The following DNAH9 variants were observed in gnomAD, a reference collection of about 807,000 sequenced individuals.
DNAH9 encodes the protein DNAH9 variant protein.
A neutral mutation model predicts 471.6 loss-of-function variants in DNAH9; 345 were observed. The observed-to-expected ratio is 0.73, with a 90% CI of 0.67 to 0.80. The LOEUF is 0.80. Among genes scored for constraint, DNAH9 ranks in the 30% least tolerant of loss-of-function variants. The pLI, the probability that DNAH9 is intolerant of heterozygous loss-of-function variation, is 0.00. For missense variants in DNAH9, 5,407 were observed against 5,609.2 expected, an observed-to-expected ratio of 0.96 and a Z score of 1.15; for synonymous variants, 2,093 against 2,123.6, an observed-to-expected ratio of 0.99 and a Z score of 0.40.
chr17:11,968,998 C>G (rs1292008875), intron 68 of DNAH9, among the ~76,000 whole-genome samples: 1 of 152,190 alleles, frequency 6.6e-6, no homozygotes, highest in Non-Finnish European at 1.5e-5. Context: ...TCGATATGCT[C>G]ATGAAATGAA....
intron 42 of DNAH9, among the ~76,000 whole-genome samples, chr17:11,795,137 A>G (rs1041275856): frequency 1.3e-5 from 2 of 152,200 alleles, no homozygotes; most frequent in Non-Finnish European, 2.9e-5. Context: ...TCTAATTCAC[A>G]TATCATTCCC....
Position 11,962,141 on chromosome 17 carries a change from A to G in DNAH9, c.13118A>G (p.Gln4373Arg). Residue 4373 changes from glutamine to arginine, a missense_variant, in exon 68 of 69, where the codon CAG becomes CGG. Gln to Arg is a conservative substitution (Grantham distance 43). Coordinates refer to ENST00000262442, the MANE Select transcript of DNAH9 (RefSeq NM_001372.4). The surrounding 1 kb of genome is among the most constrained non-coding windows in gnomAD (Gnocchi z 4.1). ...TARKNEWPLD[Q>R]MALQCDMTKK... The stretch of plus-strand genomic sequence containing the variant: ...CGCAAGAATGAGTGGCCACTGGACC[A>G]GATGGCCCTGCAATGTGACATGACG... The G allele has an allele frequency of 6.2e-7, 1 of 1,614,188 alleles. No individual in the cohort carries two copies. The highest frequency in any genetic ancestry group is 8.5e-7 in the Non-Finnish European group (1 of 1,180,042).
chr17:11,699,963 G>A (rs1012838236), intron 23 of DNAH9, 80 bp downstream of exon 23: 21 of 1,458,996 alleles, frequency 1.4e-5, no homozygotes, highest in Middle Eastern at 2.3e-4. Context: ...ATCAACTCTA[G>A]GAGGGCCTTT....
chr17:11,967,550 T>C (rs1452671505), intron 68 of DNAH9, among the ~76,000 whole-genome samples: 2 of 152,154 alleles, frequency 1.3e-5, no homozygotes, highest in Non-Finnish European at 2.9e-5. Flanking sequence ...AAAAGACATA[T>C]AGAAAACGAA....
rs143223880 is a variant in DNAH9, at chr17:11,784,312, G to A, written c.7834G>A (p.Val2612Met). The stretch of plus-strand genomic sequence containing the variant: ...GTTTCCTGTACAGCGTCACTTCAGC[G>A]TGTTTGTCCTCTCCTTCCCGGGGGC... The part of the protein sequence containing the change: ...INPRLQRHFS[V>M]FVLSFPGADA... The change falls in exon 41 of 69, where the codon GTG becomes ATG. Residue 2612 changes from valine to methionine, a missense_variant. Physicochemically the swap from Val to Met is conservative, Grantham distance 21 (BLOSUM62 1). Transcript: ENST00000262442. The A allele has an allele frequency of 8.0e-4, 1,297 of 1,614,132 alleles. 3 individuals are homozygous for A. Among genetic ancestry groups the A allele is most frequent in the Middle Eastern group, 3.5e-3 (21 of 6,062 alleles).
At chr17:11,752,245 A>T (rs113560336) in intron 32 of DNAH9, among the ~76,000 whole-genome samples, 41 of 152,336 alleles carry the variant, frequency 2.7e-4, no homozygotes, top group African/African-American at 9.6e-4. Flanking sequence ...ATTCGCCAAG[A>T]CTGCAATTAC....
chr17:11,621,566 G>A (rs1299484549), intron 6 of DNAH9, among the ~76,000 whole-genome samples: 1 of 152,136 alleles, frequency 6.6e-6, no homozygotes. Context: ...ACAGGAGAAC[G>A]TAAGATTGGA....
chr17:11,615,353 G>A (rs1217157636), intron 4 of DNAH9, among the ~76,000 whole-genome samples: 1 of 152,152 alleles, frequency 6.6e-6, no homozygotes, highest in Non-Finnish European at 1.5e-5. Context: ...GGGAGGCTGA[G>A]GCGGGCAGAT....
intron 17 of DNAH9, among the ~76,000 whole-genome samples, chr17:11,671,409 G>A (rs75840209): frequency 6.6e-6 from 1 of 152,288 alleles, no homozygotes; most frequent in African/African-American, 2.4e-5. Context: ...GAAGCAGAGG[G>A]GGGGCAGAGA....
At chr17:11,887,546 G>A (rs1241449986) in intron 57 of DNAH9, among the ~76,000 whole-genome samples, 1 of 152,180 alleles carries the variant, frequency 6.6e-6, no homozygotes, top group African/African-American at 2.4e-5. Context: ...GTGCATCTCT[G>A]AAAGTACATC....
At chr17:11,645,413 A>ACT (rs2073362542) in intron 11 of DNAH9, among the ~76,000 whole-genome samples, 1 of 152,168 alleles carries the variant, frequency 6.6e-6, no homozygotes, top group Non-Finnish European at 1.5e-5. Context: ...AGAGACTGGA[A>ACT]CTTCTCCAGG....
At chr17:11,853,928 A>C in intron 49 of DNAH9, 75 bp from the exon 50 acceptor site, 2 of 1,449,124 alleles carry the variant, frequency 1.4e-6, no homozygotes, top group Non-Finnish European at 9.5e-7. Context: ...TCGCTCCACA[A>C]CCTAACTCCA....
chr17:11,791,089 T>A (rs952407184), intron 41 of DNAH9, among the ~76,000 whole-genome samples: 2 of 152,198 alleles, frequency 1.3e-5, no homozygotes, highest in African/African-American at 4.8e-5. Context: ...GGATCATTTT[T>A]ATTCTGCTTG....
At chr17:11,853,929 C>T in intron 49 of DNAH9, 74 bp from the exon 50 acceptor site, 2 of 1,453,854 alleles carry the variant, frequency 1.4e-6, no homozygotes, top group South Asian at 1.3e-5. Context: ...CGCTCCACAA[C>T]CTAACTCCAT....
At chr17:11,773,246 G>A (rs756821275) in intron 38 of DNAH9, among the ~76,000 whole-genome samples, 4 of 152,156 alleles carry the variant, frequency 2.6e-5, no homozygotes, top group Non-Finnish European at 5.9e-5. Flanking sequence ...GAAAAAGTTG[G>A]ATGTGAGGTG....
chr17:11,926,516 T>C (rs1043859933), intron 62 of DNAH9, among the ~76,000 whole-genome samples: 2 of 152,230 alleles, frequency 1.3e-5, no homozygotes, highest in African/African-American at 4.8e-5. Context: ...TGTTTGGTTT[T>C]CTGTTCCCGC....
chr17:11,899,324 G>T (rs1973327526), intron 59 of DNAH9, among the ~76,000 whole-genome samples: 1 of 151,970 alleles, frequency 6.6e-6, no homozygotes, highest in Non-Finnish European at 1.5e-5. Context: ...GGTTTTTTAG[G>T]TCCCATCAAA....
At position 11,652,788 on chromosome 17, in the gene DNAH9, C is replaced by CTGAATA; in HGVS notation, c.2381_2382insTGAATA (p.Thr794_Ser795insGluTyr). 1 of 1,613,466 alleles carries CTGAATA rather than the reference C, an allele frequency of 6.2e-7. No homozygotes were observed. The highest frequency in any genetic ancestry group is 2.2e-5 in the East Asian group (1 of 44,880). ...ATTTGCGATTATGTCACTGAAATCACCAGTAGTATTCATGATCTTGAACAA... is the reference window on the plus strand; with the variant it reads ...ATTTGCGATTATGTCACTGAAATCACTGAATACAGTAGTATTCATGATCTTGAACAA... On this transcript the variant is annotated inframe_insertion, in exon 14 of 69. Transcript: ENST00000262442.
In DNAH9 at chr17:11,679,840, T is replaced by C. The variant is rs1243462273; in HGVS notation, c.3437T>C (p.Val1146Ala). ...KVEKGDFQGLVEIMGHLMAVK... is the reference protein window; with the variant it reads ...KVEKGDFQGLAEIMGHLMAVK... ...GAAAAAGGAGATTTCCAAGGCTTGG[T>C]TGAGATCATGGGACACCTTATGGCT... The change falls in exon 18 of 69, where the codon GTT becomes GCT. Residue 1146 changes from valine to alanine, a missense_variant. Transcript: ENST00000262442. The C allele has an allele frequency of 5.0e-6, 8 of 1,614,108 alleles. No individual in the cohort carries two copies. Among genetic ancestry groups the C allele is most frequent in the Non-Finnish European group, 6.8e-6 (8 of 1,180,002 alleles).
Sources: gnomAD v4.1 joint callset for allele counts (sites outside exome capture counted in the v4.1 genomes callset) on GRCh38, gnomAD v4.1.1 for gene constraint, Gnocchi (gnomAD v3.1) non-coding constraint, MANE v1.5 for transcripts, NCBI Gene and HGNC (gene_info 2026-07-23, HGNC 2026-07-21) for gene names.